PARM1: variants seen among roughly 807,000 people sequenced by gnomAD.
PARM1 encodes the protein WSC4, cell wall integrity and stress response component 4 homolog.
In PARM1, 14 loss-of-function variants were observed where a neutral mutation model predicts 24.6. The observed-to-expected ratio is 0.57, with a 90% CI of 0.38 to 0.89. The LOEUF is 0.89. PARM1 is among the 40% of genes least tolerant of loss of function. The probability of loss-of-function intolerance (pLI) is 0.00; values close to 1 mark genes in which losing one functional copy is unlikely to be tolerated. For synonymous variants in PARM1, 179 were observed against 156.6 expected, an observed-to-expected ratio of 1.14 and a Z score of -1.07; for missense variants, 362 against 380.4, an observed-to-expected ratio of 0.95 and a Z score of 0.40.
chr4:74,997,166 A>G (rs1722589987), intron 1 of PARM1, among the ~76,000 whole-genome samples: 1 of 152,140 alleles, frequency 6.6e-6, no homozygotes, highest in Admixed American at 6.6e-5. Flanking sequence ...CTGTCGTGTT[A>G]AAAGCAGCCT....
At chr4:75,013,677 T>C (rs1481713834) in intron 2 of PARM1, among the ~76,000 whole-genome samples, 1 of 152,222 alleles carries the variant, frequency 6.6e-6, no homozygotes, top group Non-Finnish European at 1.5e-5. Context: ...AAGTAGTGTC[T>C]CCCTTTTGGA....
chr4:74,965,593 G>A (rs1024114601), intron 1 of PARM1, among the ~76,000 whole-genome samples: 5 of 152,144 alleles, frequency 3.3e-5, no homozygotes, highest in African/African-American at 4.8e-5. Flanking sequence ...CACTTTTGAG[G>A]TATGAAGAAT....
At chr4:74,965,692 A>G (rs748071960) in intron 1 of PARM1, among the ~76,000 whole-genome samples, 3 of 152,184 alleles carry the variant, frequency 2.0e-5, no homozygotes, top group Non-Finnish European at 2.9e-5. Flanking sequence ...CTTCGCTTCT[A>G]TGGTATTCTT....
chr4:75,030,476 A>T lies in PARM1; in HGVS notation c.770-3407A>T, dbSNP rs538054147. ...CCATTTATTCTGGTCCTGGGCCATT[A>T]AAAAAAAGTGGCAAAATGCAACCCT... On this transcript the variant is annotated intron_variant, in intron 2 of 3. Coordinates refer to ENST00000307428, the MANE Select transcript of PARM1 (RefSeq NM_015393.4). 7.9e-5 allele frequency among the ~76,000 whole-genome samples: 12 copies of T among 151,946 alleles called. No individual in the cohort carries two copies. The East Asian group carries it at 1.9e-3, about 24-fold the overall frequency.
chr4:75,014,685 G>A (rs755513669), intron 2 of PARM1, among the ~76,000 whole-genome samples: 1 of 152,150 alleles, frequency 6.6e-6, no homozygotes, highest in Non-Finnish European at 1.5e-5. Flanking sequence ...CATGCAGGTT[G>A]GCCTCCTAGA....
intron 1 of PARM1, among the ~76,000 whole-genome samples, chr4:74,974,190 C>A (rs1418719761): frequency 1.3e-5 from 2 of 152,182 alleles, no homozygotes; most frequent in Non-Finnish European, 2.9e-5. Flanking sequence ...GGATGATGCC[C>A]ACATACTTTG....
chr4:74,976,441 A>G (rs1023200123), intron 1 of PARM1, among the ~76,000 whole-genome samples: 3 of 151,894 alleles, frequency 2.0e-5, no homozygotes, highest in Non-Finnish European at 4.4e-5. Context: ...TACAGACAGA[A>G]CTCTGAACTC....
intron 1 of PARM1, chr4:74,998,991 C>A (rs1722628292): frequency 6.6e-6 from 1 of 152,304 alleles, no homozygotes; most frequent in East Asian, 1.9e-4. Context: ...GACCACACAA[C>A]ATAGAGTGTC....
intron 1 of PARM1, among the ~76,000 whole-genome samples, chr4:74,987,492 G>T (rs1722379373): frequency 6.6e-6 from 1 of 152,008 alleles, no homozygotes; most frequent in Admixed American, 6.6e-5. Context: ...TATTCTAAAT[G>T]GTATCTAAGA....
At chr4:75,023,031 G>A (rs1723118095) in intron 2 of PARM1, among the ~76,000 whole-genome samples, 1 of 152,150 alleles carries the variant, frequency 6.6e-6, no homozygotes, top group African/African-American at 2.4e-5. Flanking sequence ...CAGACTCATG[G>A]CCTTCAAGGG....
chr4:75,034,635 A>G (rs754959328), intron 3 of PARM1: 6 of 152,194 alleles, frequency 3.9e-5, no homozygotes, highest in Non-Finnish European at 8.8e-5. Context: ...ATCAAGTCTC[A>G]ACACCACATT....
chr4:75,011,391 C>T (rs1205913673), intron 1 of PARM1, among the ~76,000 whole-genome samples: 1 of 152,006 alleles, frequency 6.6e-6, no homozygotes, highest in Non-Finnish European at 1.5e-5. Context: ...TGAAGGGTGA[C>T]ATCTTGGTTT....
At chr4:75,004,445 T>G (rs1319493805) in intron 1 of PARM1, among the ~76,000 whole-genome samples, 3 of 152,072 alleles carry the variant, frequency 2.0e-5, no homozygotes, top group Admixed American at 2.0e-4. Context: ...ATAGAGAAGG[T>G]AAGGCTCTGG....
intron 1 of PARM1, among the ~76,000 whole-genome samples, chr4:74,958,866 T>C (rs1345734185): frequency 6.6e-6 from 1 of 152,242 alleles, no homozygotes. Flanking sequence ...GCCAATTCTT[T>C]GTAGTATTTT....
chr4:74,976,972 C>T (rs922143027), intron 1 of PARM1, among the ~76,000 whole-genome samples: 5 of 152,084 alleles, frequency 3.3e-5, no homozygotes, highest in Admixed American at 1.3e-4. Flanking sequence ...CCTCAAAGAT[C>T]GAAGGTAGAT....
At chr4:74,974,945 G>A (rs1722112059) in intron 1 of PARM1, among the ~76,000 whole-genome samples, 1 of 152,164 alleles carries the variant, frequency 6.6e-6, no homozygotes, top group Non-Finnish European at 1.5e-5. Context: ...GACCTTTTGA[G>A]ACCCTGATCT....
rs578038379 is a variant in PARM1 at position 75,012,498 on chromosome 4, C to A, written c.117C>A (p.Thr39=). The part of the protein sequence containing the change: ...VSLPTNIVPP[T]TIWTSSPQNT... ...TTCCGACAAACATTGTACCACCGAC[C>A]ACCATCTGGACTAGCTCTCCACAAA... The change falls in exon 2 of 4, where the codon ACC becomes ACA. Residue 39 remains threonine, a synonymous_variant. Coordinates refer to ENST00000307428, the MANE Select transcript of PARM1 (RefSeq NM_015393.4). The A allele has an allele frequency of 6.2e-7, 1 of 1,613,950 alleles. No homozygotes were observed. The highest frequency in any genetic ancestry group is 1.1e-5 in the South Asian group (1 of 91,072).
At chr4:75,039,648 C>T (rs1355863264) in intron 3 of PARM1, among the ~76,000 whole-genome samples, 1 of 152,200 alleles carries the variant, frequency 6.6e-6, no homozygotes, top group East Asian at 1.9e-4. Context: ...GATGCCAGTG[C>T]TGCTGGTCCA....
At chr4:74,941,754 G>A (rs957326566) in intron 1 of PARM1, among the ~76,000 whole-genome samples, 7 of 152,332 alleles carry the variant, frequency 4.6e-5, no homozygotes, top group African/African-American at 1.7e-4. Flanking sequence ...GCCCTGTGAT[G>A]TAAAGATGAA....
Sources: allele counts gnomAD v4.1 joint callset (sites outside exome capture counted in the v4.1 genomes callset), GRCh38; gene constraint gnomAD v4.1.1; transcripts MANE v1.5; gene names NCBI Gene and HGNC (gene_info 2026-07-23, HGNC 2026-07-21).